KCNH7: variants seen among roughly 807,000 people sequenced by gnomAD.
KCNH7 encodes voltage-gated inwardly rectifying potassium channel KCNH7.
KCNH7 carries 49 observed loss-of-function variants against 120.8 expected under a neutral mutation model. The observed-to-expected ratio is 0.41, with a 90% CI of 0.32 to 0.51. The LOEUF (loss-of-function observed/expected upper bound fraction) is 0.51. Ranked by LOEUF, KCNH7 falls within the 20% of genes least tolerant of loss-of-function variation. The pLI is 0.38. For missense variants in KCNH7, 1,097 were observed against 1,446.6 expected (o/e 0.76, Z 3.92); for synonymous variants, 547 against 516.1 (o/e 1.06, Z -0.81).
chr2:162,501,995 G>T (rs1193168232), intron 6 of KCNH7: 1 of 152,070 alleles, frequency 6.6e-6, no homozygotes, highest in East Asian at 1.9e-4. Flanking sequence ...GATGGAAACT[G>T]TTGCATTTTA....
chr2:162,533,426 C>T (rs1381440638), intron 3 of KCNH7, among the ~76,000 whole-genome samples: 2 of 151,486 alleles, frequency 1.3e-5, no homozygotes, highest in East Asian at 1.9e-4. Flanking sequence ...AAACAGCACA[C>T]TGTATAAAAA....
chr2:162,646,767 A>G (rs1684373157), intron 2 of KCNH7, among the ~76,000 whole-genome samples: 1 of 152,160 alleles, frequency 6.6e-6, no homozygotes, highest in African/African-American at 2.4e-5. Flanking sequence ...GACATCAGAT[A>G]CACAATTGCA....
intron 2 of KCNH7, among the ~76,000 whole-genome samples, chr2:162,630,870 A>C (rs1574194823): frequency 6.6e-6 from 1 of 152,108 alleles, no homozygotes; most frequent in South Asian, 2.1e-4. Context: ...TTGGGAACAT[A>C]TAAGCAACTC....
chr2:162,511,566 T>A (rs1423962725), intron 5 of KCNH7, among the ~76,000 whole-genome samples: 3 of 150,698 alleles, frequency 2.0e-5, no homozygotes, highest in Non-Finnish European at 3.0e-5. Flanking sequence ...CCTTTTAAAG[T>A]GCCTACAAAA....
chr2:162,557,895 G>T (rs1574099187), intron 2 of KCNH7, among the ~76,000 whole-genome samples: 1 of 152,144 alleles, frequency 6.6e-6, no homozygotes, highest in African/African-American at 2.4e-5. Flanking sequence ...TCCACAGAGA[G>T]AAATTGCTAG....
chr2:162,755,876 G>A (rs1487811539), intron 2 of KCNH7, among the ~76,000 whole-genome samples: 1 of 152,096 alleles, frequency 6.6e-6, no homozygotes, highest in Non-Finnish European at 1.5e-5. Context: ...AAGAAATCTA[G>A]AAGTGGTGTA....
In KCNH7 at chr2:162,581,346, AAAC is replaced by A. The variant is rs1693859025; in HGVS notation, c.308-44269_308-44267del. ...GTGATGGAACAAAATTTAATAAATCAAACAACAATGGATAGCTATTTTCAGAAC... is the reference window on the plus strand; with the variant it reads ...GTGATGGAACAAAATTTAATAAATCAAACAATGGATAGCTATTTTCAGAAC... On this transcript the variant is annotated intron_variant, in intron 2 of 15. Coordinates refer to ENST00000332142, the MANE Select transcript of KCNH7 (RefSeq NM_033272.4). Among the ~76,000 whole-genome samples the A allele has an allele frequency of 1.3e-5, 2 of 152,242 alleles. 1 individual carries two copies. Among genetic ancestry groups the A allele is most frequent in the African/African-American group, 4.8e-5 (2 of 41,568 alleles).
At chr2:162,806,040 C>T (rs1684527800) in intron 2 of KCNH7, among the ~76,000 whole-genome samples, 1 of 151,948 alleles carries the variant, frequency 6.6e-6, no homozygotes, top group Admixed American at 6.6e-5. Context: ...TATGAGTACA[C>T]AAAGACATAC....
chr2:162,666,794 C>T (rs1276818584), intron 2 of KCNH7, among the ~76,000 whole-genome samples: 2 of 152,144 alleles, frequency 1.3e-5, no homozygotes, highest in Non-Finnish European at 2.9e-5. Context: ...GACATCTCTG[C>T]CAGTGTTCTT....
chr2:162,641,216 G>T (rs966588580), intron 2 of KCNH7, among the ~76,000 whole-genome samples: 2 of 152,034 alleles, frequency 1.3e-5, no homozygotes, highest in Non-Finnish European at 2.9e-5. Context: ...AATGTTTATG[G>T]TATCTCTATT....
intron 2 of KCNH7, among the ~76,000 whole-genome samples, chr2:162,596,714 C>T (rs1694392414): frequency 6.6e-6 from 1 of 151,950 alleles, no homozygotes; most frequent in Non-Finnish European, 1.5e-5. Context: ...GAGATTACAT[C>T]CAGCTACAAA....
intron 2 of KCNH7, among the ~76,000 whole-genome samples, chr2:162,633,595 TA>T (rs1195867874): frequency 6.6e-6 from 1 of 151,972 alleles, no homozygotes; most frequent in Non-Finnish European, 1.5e-5. Context: ...TATAAACCCT[TA>T]ATCCATCTAG....
chr2:162,770,331 T>C lies in KCNH7; in HGVS notation c.307+66206A>G, dbSNP rs573082043. On this transcript the variant is annotated intron_variant, in intron 2 of 15. Coordinates refer to ENST00000332142, the MANE Select transcript of KCNH7 (RefSeq NM_033272.4). ...TAATATATATACATATTTACATATA[T>C]ATATATACATTCATATATATACATA... Among the ~76,000 whole-genome samples, 787 of 150,224 alleles carry C rather than the reference T, an allele frequency of 5.2e-3. 11 individuals are homozygous for C. The highest frequency in any genetic ancestry group is 0.018 in the African/African-American group (752 of 41,242).
At chr2:162,802,627 TAAAC>T (rs1277670599) in intron 2 of KCNH7, among the ~76,000 whole-genome samples, 1 of 151,702 alleles carries the variant, frequency 6.6e-6, no homozygotes, top group Non-Finnish European at 1.5e-5. Context: ...AATGTAAAAA[TAAAC>T]AAAATAAATT....
intron 2 of KCNH7, among the ~76,000 whole-genome samples, chr2:162,717,053 G>A (rs1687146742): frequency 6.6e-6 from 1 of 152,064 alleles, no homozygotes; most frequent in South Asian, 2.1e-4. Context: ...AATGGCAGCT[G>A]TTGCAGAGAG....
intron 2 of KCNH7, among the ~76,000 whole-genome samples, chr2:162,715,489 C>T (rs1414172690): frequency 6.6e-6 from 1 of 152,140 alleles, no homozygotes; most frequent in Non-Finnish European, 1.5e-5. Flanking sequence ...GTGGACTGAT[C>T]CCATAATGTC....
At chr2:162,479,677 G>GCA (rs1689863178) in intron 6 of KCNH7, among the ~76,000 whole-genome samples, 2 of 113,458 alleles carry the variant, frequency 1.8e-5, no homozygotes, top group East Asian at 4.9e-4. Context: ...GTGTGCATGT[G>GCA]TGTGTGTGTG....
At chr2:162,817,180 C>G (rs1027159661) in intron 2 of KCNH7, among the ~76,000 whole-genome samples, 3 of 152,210 alleles carry the variant, frequency 2.0e-5, no homozygotes, top group Non-Finnish European at 4.4e-5. Flanking sequence ...GTAGAATATG[C>G]CTTCATTCCC....
chr2:162,470,643 G>A (rs1345724938), intron 6 of KCNH7, among the ~76,000 whole-genome samples: 3 of 150,026 alleles, frequency 2.0e-5, no homozygotes, highest in Admixed American at 6.6e-5. Context: ...CCCCCCGCCC[G>A]GCCAGCCGCC....
Sources: gnomAD v4.1 joint callset for allele counts (sites outside exome capture counted in the v4.1 genomes callset) on GRCh38, gnomAD v4.1.1 for gene constraint, MANE v1.5 for transcripts, NCBI Gene and HGNC (gene_info 2026-07-23, HGNC 2026-07-21) for gene names.